SLC2A14: variants seen among roughly 807,000 people sequenced by gnomAD.
The protein encoded by SLC2A14 is solute carrier family 2 member 14.
In SLC2A14, 13 loss-of-function variants were observed where a neutral mutation model predicts 43.0. The observed-to-expected ratio is 0.30, with a 90% confidence interval of 0.20 to 0.48. SLC2A14 has a LOEUF of 0.48. SLC2A14 is among the 20% of genes least tolerant of loss of function. The pLI is 0.99. For synonymous variants in SLC2A14, 190 were observed against 233.8 expected, an observed-to-expected ratio of 0.81 and a Z score of 1.71; for missense variants, 428 against 620.4, an observed-to-expected ratio of 0.69 and a Z score of 3.29.
At chr12:7,863,956 C>T (rs530115766) in intron 2 of SLC2A14, among the ~76,000 whole-genome samples, 3 of 151,996 alleles carry the variant, frequency 2.0e-5, no homozygotes, top group African/African-American at 7.2e-5. Flanking sequence ...GCTGGCACTA[C>T]AGGCATGTGC....
rs1565508411 is a variant in SLC2A14 at position 7,826,926 on chromosome 12, C to CCT, written c.864+568_864+569insAG. Among the ~76,000 whole-genome samples the CCT allele has an allele frequency of 2.0e-3, 127 of 62,366 alleles. 2 individuals are homozygous for CCT. Among genetic ancestry groups the CCT allele is most frequent in the African/African-American group, 5.4e-3 (109 of 20,362 alleles). 40.9% of individuals were successfully genotyped at this position (62,366 alleles called of 152,430 possible). A position where few individuals can be genotyped will look rare whatever the true frequency, so the allele number is the denominator to read the frequency against. ...CTTTCTTTCTTTCTTTTTCCTTTTT[C>CCT]TTTCCTTTCCTTTCCTTTCTTTCCT... On this transcript the variant is annotated intron_variant, in intron 7 of 10. Transcript: ENST00000431042.
chr12:7,817,096 G>A (rs1863514657), intron 10 of SLC2A14, among the ~76,000 whole-genome samples: 1 of 151,848 alleles, frequency 6.6e-6, no homozygotes, highest in Admixed American at 6.6e-5. Context: ...GATGAGGAGG[G>A]ACTACTGTAT....
Position 7,851,763 on chromosome 12 carries a change from T to C in SLC2A14, c.18+18100A>G, listed in dbSNP as rs937304085. Among the ~76,000 whole-genome samples the C allele has an allele frequency of 7.9e-5, 12 of 152,298 alleles. No homozygotes were observed. In the East Asian group the frequency reaches 1.7e-3, roughly 22 times the overall value. On this transcript the variant is annotated intron_variant, in intron 2 of 10. Coordinates refer to ENST00000431042, the MANE Select transcript of SLC2A14 (RefSeq NM_001286234.2). The stretch of plus-strand genomic sequence containing the variant: ...TCCCCTTTCATCTTTTAATCTCCAT[T>C]AGACATTGCTCCTCTCAGGTAGCCT...
At chr12:7,837,187 G>A (rs1002014780) in intron 2 of SLC2A14, among the ~76,000 whole-genome samples, 40 of 151,392 alleles carry the variant, frequency 2.6e-4, no homozygotes, top group Admixed American at 2.1e-3. Context: ...AAAAGTTAAC[G>A]TGTTAACTAA....
chr12:7,851,256 A>G (rs990644771), intron 2 of SLC2A14, among the ~76,000 whole-genome samples: 4 of 152,172 alleles, frequency 2.6e-5, no homozygotes, highest in African/African-American at 9.7e-5. Flanking sequence ...GATACTAGCT[A>G]TTTTATTCTG....
chr12:7,818,900 T>TGTGA (rs1490535864), intron 9 of SLC2A14, among the ~76,000 whole-genome samples: 1 of 151,804 alleles, frequency 6.6e-6, no homozygotes, highest in Non-Finnish European at 1.5e-5. Flanking sequence ...ATCCATAAAG[T>TGTGA]GTGATTACCT....
chr12:7,885,208 C>T (rs1177594490), intron 1 of SLC2A14, among the ~76,000 whole-genome samples: 2 of 152,078 alleles, frequency 1.3e-5, no homozygotes, highest in Non-Finnish European at 2.9e-5. Context: ...TGGTGGCTCA[C>T]GCCTGTACAG....
chr12:7,860,140 C>A (rs1944466302), intron 2 of SLC2A14, among the ~76,000 whole-genome samples: 1 of 152,066 alleles, frequency 6.6e-6, no homozygotes, highest in African/African-American at 2.4e-5. Flanking sequence ...GCCATCCCTC[C>A]CAGTACTGGC....
intron 1 of SLC2A14, 89 bp downstream of exon 1, chr12:7,872,718 C>T: frequency 2.1e-6 from 2 of 944,222 alleles, no homozygotes; most frequent in Non-Finnish European, 2.5e-6. Flanking sequence ...GAGTAGCCGC[C>T]CACCTCTACT....
At chr12:7,867,289 A>AC (rs1353361312) in intron 2 of SLC2A14, among the ~76,000 whole-genome samples, 3 of 122,572 alleles carry the variant, frequency 2.4e-5, no homozygotes, top group Admixed American at 8.2e-5. Flanking sequence ...TCAAAAAAAA[A>AC]AAAAAAAAAA....
In SLC2A14 at chr12:7,828,801, G is replaced by T. The variant is rs760589358; in HGVS notation, c.579C>A (p.Ile193=). The T allele has an allele frequency of 6.2e-7, 1 of 1,614,088 alleles. No individual in the cohort carries two copies. Among genetic ancestry groups the T allele is most frequent in the Non-Finnish European group, 8.5e-7 (1 of 1,180,052 alleles). Residue 193 remains isoleucine, a synonymous_variant, in exon 6 of 11, where the codon ATC becomes ATA. Coordinates refer to ENST00000431042, the MANE Select transcript of SLC2A14 (RefSeq NM_001286234.2). The stretch of plus-strand genomic sequence containing the variant: ...CTGCACTTTGCAGGATAGCTGGAAG[G>T]ATGGTAAAGCCTAATAGCACCGGCC... ...ELWPVLLGFT[I]LPAILQSAAL... is the part of the protein sequence containing the mutation.
chr12:7,833,834 G>A (rs931581766), intron 2 of SLC2A14, among the ~76,000 whole-genome samples: 11 of 151,348 alleles, frequency 7.3e-5, no homozygotes, highest in Admixed American at 1.3e-4. Context: ...AGAACCAGTC[G>A]TCTTCACCTT....
upstream of SLC2A14, chr12:7,873,052 G>A (rs1945328712): frequency 2.0e-6 from 2 of 985,552 alleles, no homozygotes; most frequent in Non-Finnish European, 2.4e-6. Flanking sequence ...CTCGCGGTCG[G>A]GGTTGTCCGG....
At chr12:7,869,078 A>T (rs1053411059) in intron 2 of SLC2A14, among the ~76,000 whole-genome samples, 1 of 150,904 alleles carries the variant, frequency 6.6e-6, no homozygotes, top group African/African-American at 2.4e-5. Flanking sequence ...CAGGAGGCGG[A>T]GGTTGCGGTG....
Position 7,884,619 on chromosome 12 carries a change from G to C in SLC2A14, c.132+6377C>G, listed in dbSNP as rs760843414. ...AGGTCGAGATAATAGCATTGTCATA[G>C]GTGCTGGACTTCTCTCTCAACATCA... On this transcript the variant is annotated intron_variant, in intron 1 of 9. Transcript: ENST00000539924. 2.6e-5 allele frequency among the ~76,000 whole-genome samples: 4 copies of C among 152,104 alleles called. No homozygotes were observed. The East Asian group carries it at 7.7e-4, about 29-fold the overall frequency.
At chr12:7,885,159 C>T (rs929017507) in intron 1 of SLC2A14, among the ~76,000 whole-genome samples, 2 of 151,852 alleles carry the variant, frequency 1.3e-5, no homozygotes, top group Admixed American at 6.6e-5. Flanking sequence ...TTTCCAGCAC[C>T]ATAGGAAAGA....
Position 7,871,211 on chromosome 12 carries a change from A to G in SLC2A14, c.-57-1274T>C, listed in dbSNP as rs1221086564. ...AACGAGGAATCCTCAGGTTTCATTC[A>G]TGAGGACCACCTCCAGGAGCTGCTC... On this transcript the variant is annotated intron_variant, in intron 1 of 10. Transcript: ENST00000431042. 4.8e-6 allele frequency: 6 copies of G among 1,253,640 alleles called. No homozygotes were observed. In the East Asian group the frequency reaches 1.3e-4, roughly 27 times the overall value. The allele number at this position is 1,253,640 out of a possible 1,614,324, so 77.7% of individuals were successfully genotyped here.
intron 5 of SLC2A14, 138 bp from the exon 6 acceptor site, chr12:7,829,004 G>A: frequency 9.3e-7 from 1 of 1,079,108 alleles, no homozygotes; most frequent in African/African-American, 1.6e-5. Context: ...AGGTGGATCA[G>A]GAGTTGAAGA....
intron 1 of SLC2A14, among the ~76,000 whole-genome samples, chr12:7,884,629 TTC>T (rs1373116033): frequency 2.0e-5 from 3 of 152,146 alleles, no homozygotes; most frequent in African/African-American, 7.2e-5. Flanking sequence ...GGTGCTGGAC[TTC>T]TCTCTCAACA....
Sources: gnomAD v4.1 joint callset for allele counts (sites outside exome capture counted in the v4.1 genomes callset) on GRCh38, gnomAD v4.1.1 for gene constraint, MANE v1.5 for transcripts, NCBI Gene and HGNC (gene_info 2026-07-23, HGNC 2026-07-21) for gene names.